Variants in CDH18 observed in about 807,000 individuals in gnomAD.
The protein encoded by CDH18 is cadherin 18, also known as cadherin-18.
Under a neutral mutation model 67.9 loss-of-function variants are expected in CDH18, and 31 were observed. The observed-to-expected ratio is 0.46, with a 90% CI of 0.34 to 0.62. CDH18 has a LOEUF of 0.62. Among genes scored for constraint, CDH18 ranks in the 20% least tolerant of loss-of-function variants. The pLI, the probability that CDH18 is intolerant of heterozygous loss-of-function variation, is 0.01. For missense variants in CDH18, 890 were observed against 975.5 expected (o/e 0.91, Z 1.17); for synonymous variants, 362 against 347.2 (o/e 1.04, Z -0.48).
intron 2 of CDH18, among the ~76,000 whole-genome samples, chr5:20,001,146 T>G (rs1342891724): frequency 1.3e-5 from 2 of 152,242 alleles, no homozygotes; most frequent in Admixed American, 6.5e-5. Flanking sequence ...TTTATTTTAA[T>G]GCATGGGAAG....
chr5:20,431,388 G>A (rs998793433), intron 1 of CDH18, among the ~76,000 whole-genome samples: 1 of 151,546 alleles, frequency 6.6e-6, no homozygotes, highest in African/African-American at 2.4e-5. Context: ...AGCTACTTGG[G>A]AGGCTAAGGC....
chr5:20,314,536 A>G (rs1307942876), intron 1 of CDH18, among the ~76,000 whole-genome samples: 2 of 152,078 alleles, frequency 1.3e-5, no homozygotes, highest in Admixed American at 1.3e-4. Flanking sequence ...ACTTTGGGGT[A>G]TCTGTGGGTA....
intron 2 of CDH18, among the ~76,000 whole-genome samples, chr5:20,026,739 A>C (rs2164431): frequency 0.76 from 115,471 of 151,934 alleles, 46,934 homozygotes; most frequent in Non-Finnish European, 0.9. Flanking sequence ...CGGGTGGATC[A>C]TGAGGTCAGG....
chr5:19,544,466 A>C (rs937765803), intron 8 of CDH18, among the ~76,000 whole-genome samples: 1 of 152,174 alleles, frequency 6.6e-6, no homozygotes, highest in Non-Finnish European at 1.5e-5. Context: ...AAAATGAAAA[A>C]CAAAACATTT....
At chr5:20,444,779 C>CTT (rs60852616) in intron 1 of CDH18, among the ~76,000 whole-genome samples, 4 of 141,886 alleles carry the variant, frequency 2.8e-5, no homozygotes, top group Non-Finnish European at 1.5e-5. Flanking sequence ...TTTTTTCTTT[C>CTT]TTTTTTTTTT....
chr5:20,090,501 C>T (rs868359221), intron 2 of CDH18, among the ~76,000 whole-genome samples: 18 of 152,060 alleles, frequency 1.2e-4, no homozygotes, highest in Admixed American at 6.6e-5. Flanking sequence ...TGCTGTTGCA[C>T]TCCAGCCTGG....
chr5:20,142,396 A>G (rs1186138099), intron 2 of CDH18, among the ~76,000 whole-genome samples: 2 of 151,918 alleles, frequency 1.3e-5, no homozygotes, highest in African/African-American at 2.4e-5. Flanking sequence ...CCTGGCCAAC[A>G]TGACGAAACT....
rs531470799 is a variant in CDH18, at chr5:19,543,145, A to G, written c.1390+724T>C. On this transcript the variant is annotated intron_variant, in intron 9 of 12. Coordinates refer to ENST00000382275, the MANE Select transcript of CDH18 (RefSeq NM_004934.5). ...AATTGGTACTTTTGGTCTACTTACG[A>G]ATATGTTAAAAAAACTTTATTGTTA... Among the ~76,000 whole-genome samples the G allele has an allele frequency of 2.0e-5, 3 of 152,260 alleles. No individual in the cohort carries two copies. In the South Asian group the frequency reaches 6.2e-4, roughly 32 times the overall value.
chr5:20,480,681 C>T (rs1475732004), intron 1 of CDH18, among the ~76,000 whole-genome samples: 1 of 152,144 alleles, frequency 6.6e-6, no homozygotes, highest in Non-Finnish European at 1.5e-5. Flanking sequence ...TCCAAAAGTG[C>T]TGGAATTACT....
At chr5:20,239,043 G>T (rs887869670) in intron 2 of CDH18, among the ~76,000 whole-genome samples, 6 of 152,160 alleles carry the variant, frequency 3.9e-5, no homozygotes, top group Non-Finnish European at 7.4e-5. Flanking sequence ...ATATAATTTG[G>T]CAATAAAAAG....
intron 1 of CDH18, among the ~76,000 whole-genome samples, chr5:20,295,872 C>CTTTTTTTTTTTTTTT (rs35024141): frequency 7.3e-5 from 8 of 109,976 alleles, no homozygotes; most frequent in East Asian, 2.5e-4. Flanking sequence ...TCTTTTTTTT[C>CTTTTTTTTTTTTTTT]TTTTTTTTTT....
intron 1 of CDH18, among the ~76,000 whole-genome samples, chr5:20,567,240 G>T (rs1758563625): frequency 6.6e-6 from 1 of 152,164 alleles, no homozygotes; most frequent in African/African-American, 2.4e-5. Flanking sequence ...GAACAAAAGA[G>T]ACTTCTTTGG....
At chr5:20,043,965 T>G (rs944589593) in intron 2 of CDH18, among the ~76,000 whole-genome samples, 2 of 152,208 alleles carry the variant, frequency 1.3e-5, no homozygotes, top group African/African-American at 2.4e-5. Context: ...TTCCCAAACA[T>G]AAATACATAT....
At chr5:20,215,523 T>C (rs1740699004) in intron 2 of CDH18, among the ~76,000 whole-genome samples, 1 of 151,862 alleles carries the variant, frequency 6.6e-6, no homozygotes, top group South Asian at 2.1e-4. Context: ...TTACACAGTG[T>C]TAGTGGGAGT....
intron 1 of CDH18, among the ~76,000 whole-genome samples, chr5:20,419,219 A>AT (rs774991028): frequency 1.8e-4 from 27 of 151,706 alleles, no homozygotes; most frequent in Non-Finnish European, 2.5e-4. Flanking sequence ...GAGAGAAGTG[A>AT]TTTTTGTCTG....
intron 2 of CDH18, among the ~76,000 whole-genome samples, chr5:19,856,839 G>C (rs1784340697): frequency 6.6e-6 from 1 of 152,006 alleles, no homozygotes; most frequent in Non-Finnish European, 1.5e-5. Flanking sequence ...CCCACTCTTT[G>C]GTATTTGTTA....
At chr5:20,173,864 A>T (rs1737030921) in intron 2 of CDH18, among the ~76,000 whole-genome samples, 1 of 152,178 alleles carries the variant, frequency 6.6e-6, no homozygotes, top group Non-Finnish European at 1.5e-5. Context: ...AGAGAATATT[A>T]CGATTTTTAA....
At chr5:20,346,020 A>T in intron 1 of CDH18, among the ~76,000 whole-genome samples, 1 of 152,164 alleles carries the variant, frequency 6.6e-6, no homozygotes, top group Non-Finnish European at 1.5e-5. Context: ...CAATAAGCTA[A>T]ATATGATTAA....
chr5:19,780,038 T>A (rs898982263), intron 3 of CDH18, among the ~76,000 whole-genome samples: 2 of 152,264 alleles, frequency 1.3e-5, no homozygotes, highest in African/African-American at 4.8e-5. Context: ...CCTGTTAATG[T>A]CTTTCCTTAT....
Sources: allele counts gnomAD v4.1 joint callset (sites outside exome capture counted in the v4.1 genomes callset), GRCh38; gene constraint gnomAD v4.1.1; transcripts MANE v1.5; gene names NCBI Gene and HGNC (gene_info 2026-07-23, HGNC 2026-07-21).